The following WDPCP variants were observed in gnomAD, a reference collection of about 807,000 sequenced individuals.
The protein encoded by WDPCP is WD repeat-containing and planar cell polarity effector protein fritz homolog.
Under a neutral mutation model 93.1 loss-of-function variants are expected in WDPCP, and 71 were observed. The observed-to-expected ratio is 0.76, with a 90% CI of 0.63 to 0.93. The LOEUF (loss-of-function observed/expected upper bound fraction) is 0.93. WDPCP is among the 40% of genes least tolerant of loss of function. The probability of loss-of-function intolerance (pLI) is 0.00; values close to 1 mark genes in which losing one functional copy is unlikely to be tolerated. For synonymous variants in WDPCP, 315 were observed against 315.0 expected (o/e 1.00, Z 0.00); for missense variants, 844 against 887.4 (o/e 0.95, Z 0.62).
At chr2:63,161,717 A>G (rs1043909306) in intron 15 of WDPCP, among the ~76,000 whole-genome samples, 2 of 152,102 alleles carry the variant, frequency 1.3e-5, no homozygotes, top group African/African-American at 4.8e-5. Context: ...TTTTACTTGT[A>G]TTAATAAAAT....
At chr2:63,394,658 C>T (rs1213899177) in intron 10 of WDPCP, among the ~76,000 whole-genome samples, 5 of 152,066 alleles carry the variant, frequency 3.3e-5, no homozygotes, top group African/African-American at 1.2e-4. Flanking sequence ...CAACAGTAGA[C>T]TGGATAAAGG....
At chr2:63,786,641 T>A (rs933272084) in intron 2 of WDPCP, among the ~76,000 whole-genome samples, 4 of 152,220 alleles carry the variant, frequency 2.6e-5, no homozygotes, top group Non-Finnish European at 5.9e-5. Flanking sequence ...AGTATGTGAC[T>A]TGGCCACTTA....
At chr2:63,760,472 C>T (rs1027423778) in intron 2 of WDPCP, among the ~76,000 whole-genome samples, 3 of 151,824 alleles carry the variant, frequency 2.0e-5, no homozygotes, top group African/African-American at 7.3e-5. Flanking sequence ...ACTTCTAGAA[C>T]TTATAGGCAA....
chr2:63,811,799 T>G (rs770785153), intron 2 of WDPCP, among the ~76,000 whole-genome samples: 1 of 152,112 alleles, frequency 6.6e-6, no homozygotes, highest in Non-Finnish European at 1.5e-5. Context: ...TCTACTGTTT[T>G]CATCTTTGTG....
At chr2:63,190,150 G>A (rs534358618) in intron 14 of WDPCP, among the ~76,000 whole-genome samples, 10 of 152,192 alleles carry the variant, frequency 6.6e-5, no homozygotes, top group African/African-American at 1.9e-4. Flanking sequence ...AGAAGAGGCC[G>A]GGTGCTGTGG....
intron 12 of WDPCP, among the ~76,000 whole-genome samples, chr2:63,375,626 A>G (rs1245654046): frequency 6.6e-6 from 1 of 151,928 alleles, no homozygotes; most frequent in Non-Finnish European, 1.5e-5. Flanking sequence ...TATATTTGTT[A>G]AAGACAAAAA....
chr2:63,326,127 C>G (rs1291049808), intron 12 of WDPCP, among the ~76,000 whole-genome samples: 2 of 152,218 alleles, frequency 1.3e-5, no homozygotes, highest in African/African-American at 4.8e-5. Context: ...AAGTTTATGG[C>G]TATCGGACAA....
At chr2:63,732,788 G>C (rs1471669101) in intron 2 of WDPCP, among the ~76,000 whole-genome samples, 1 of 152,136 alleles carries the variant, frequency 6.6e-6, no homozygotes, top group East Asian at 1.9e-4. Context: ...AGAAAGAATT[G>C]AATTACAGTT....
chr2:63,294,265 A>G (rs1031311554), intron 13 of WDPCP, among the ~76,000 whole-genome samples: 2 of 152,182 alleles, frequency 1.3e-5, no homozygotes, highest in Admixed American at 6.5e-5. Flanking sequence ...ACACTTTGGG[A>G]GGCTGAGGCA....
chr2:63,132,659 C>T (rs1010551968), intron 17 of WDPCP, among the ~76,000 whole-genome samples: 1 of 151,424 alleles, frequency 6.6e-6, no homozygotes, highest in Non-Finnish European at 1.5e-5. Context: ...CCAGTGTGCC[C>T]ATTATATTTT....
At position 63,716,704 on chromosome 2, in the gene WDPCP, C is replaced by T. The variant is rs181637236; in HGVS notation, n.309-65866G>A. On this transcript the variant is annotated intron_variant and non_coding_transcript_variant, in intron 2 of 4. Coordinates refer to the WDPCP transcript ENST00000467687. ...GCAAGAAGGAGATGGTATTGATGCA[C>T]TGCCCCATGAGGACTTTATTGGAAA... Among the ~76,000 whole-genome samples, 605 of 152,242 alleles carry T rather than the reference C, an allele frequency of 4.0e-3. 16 individuals carry two copies. Among genetic ancestry groups the T allele is most frequent in the Non-Finnish European group, 1.2e-3 (84 of 68,030 alleles).
intron 13 of WDPCP, among the ~76,000 whole-genome samples, chr2:63,296,661 G>A (rs1684884073): frequency 1.3e-5 from 2 of 152,078 alleles, no homozygotes; most frequent in South Asian, 4.1e-4. Context: ...CATTCAAGCT[G>A]AGAGTCAAAT....
chr2:63,228,381 C>CT (rs1327818388), intron 14 of WDPCP: 1 of 113,778 alleles, frequency 8.8e-6, no homozygotes, highest in Non-Finnish European at 1.9e-5. Context: ...TGTTCTTTTT[C>CT]TTTTTCTTTT....
At chr2:63,528,015 C>T (rs1386027054) in intron 1 of WDPCP, among the ~76,000 whole-genome samples, 1 of 152,030 alleles carries the variant, frequency 6.6e-6, no homozygotes, top group Non-Finnish European at 1.5e-5. Context: ...GCATAAATGT[C>T]TTCTTTTGAG....
In WDPCP at chr2:63,605,824, A is replaced by G. The variant is rs1342451848; in HGVS notation, n.488+44835T>C. 13 of 843,290 alleles carry G rather than the reference A, an allele frequency of 1.5e-5. No individual in the cohort carries two copies. The African/African-American group carries it at 2.2e-4, about 14-fold the overall frequency. The allele number at this position is 843,290 out of a possible 1,614,324, so 52.2% of individuals were successfully genotyped here. On this transcript the variant is annotated intron_variant and non_coding_transcript_variant, in intron 3 of 4. Coordinates refer to the WDPCP transcript ENST00000467687. ...CCTGGTGCTGATGATAGTTCCTTAC[A>G]CAGTAATGATGTTATGAACATAGTA...
At chr2:63,234,063 T>C (rs1006652983) in intron 14 of WDPCP, among the ~76,000 whole-genome samples, 2 of 152,134 alleles carry the variant, frequency 1.3e-5, no homozygotes, top group Non-Finnish European at 2.9e-5. Context: ...TGTTGTGAGG[T>C]GGCCGTAACC....
intron 14 of WDPCP, among the ~76,000 whole-genome samples, chr2:63,223,906 T>C (rs2104502865): frequency 6.6e-6 from 1 of 152,246 alleles, no homozygotes; most frequent in South Asian, 2.1e-4. Context: ...TTGTCTATTC[T>C]TGCATCAATA....
chr2:63,448,193 T>C (rs1287392099), intron 6 of WDPCP, among the ~76,000 whole-genome samples: 3 of 152,114 alleles, frequency 2.0e-5, no homozygotes, highest in Non-Finnish European at 2.9e-5. Context: ...TCCTTGTCCA[T>C]TCTCTTTTAC....
chr2:63,204,811 C>G (rs1271697995), intron 14 of WDPCP, among the ~76,000 whole-genome samples: 1 of 152,108 alleles, frequency 6.6e-6, no homozygotes, highest in Non-Finnish European at 1.5e-5. Context: ...TGTCTCTTCA[C>G]TTTGTGGATT....
Sources: gnomAD v4.1 joint callset for allele counts (sites outside exome capture counted in the v4.1 genomes callset) on GRCh38, gnomAD v4.1.1 for gene constraint, MANE v1.5 for transcripts, NCBI Gene and HGNC (gene_info 2026-07-23, HGNC 2026-07-21) for gene names.